The following WASF2 variants were observed in gnomAD, a reference collection of about 807,000 sequenced individuals.
WASF2 encodes the protein WASP family member 2.
A neutral mutation model predicts 45.0 loss-of-function variants in WASF2; 14 were observed. The observed-to-expected ratio is 0.31, with a 90% CI of 0.21 to 0.49. WASF2 has a LOEUF of 0.49. WASF2 is among the 20% of genes least tolerant of loss of function. The pLI is 0.99. For synonymous variants in WASF2, 200 were observed against 236.3 expected, an observed-to-expected ratio of 0.85 and a Z score of 1.41; for missense variants, 439 against 636.1, an observed-to-expected ratio of 0.69 and a Z score of 3.33.
intron 1 of WASF2, among the ~76,000 whole-genome samples, chr1:27,429,643 G>A (rs775367571): frequency 2.0e-5 from 3 of 152,012 alleles, no homozygotes; most frequent in African/African-American, 7.2e-5. Context: ...CAGGCGTGTC[G>A]CGGGTGCCTG....
rs1276957755 is a variant in WASF2 at position 27,477,907 on chromosome 1, A to AT, written c.-44+12078_-44+12079insA. Among the ~76,000 whole-genome samples the AT allele has an allele frequency of 1.1e-4, 16 of 146,264 alleles. 3 individuals are homozygous for AT. Among genetic ancestry groups the AT allele is most frequent in the African/African-American group, 4.2e-4 (16 of 37,864 alleles). On this transcript the variant is annotated intron_variant, in intron 1 of 8. Coordinates refer to ENST00000618852, the MANE Select transcript of WASF2 (RefSeq NM_006990.5). ...GAGCGAGACTCCGTCTCAAAAAAAAAAAATAAATAAATAAAAAAAAAAATA... is the reference window on the plus strand; with the variant it reads ...GAGCGAGACTCCGTCTCAAAAAAAAATAAATAAATAAATAAAAAAAAAAATA...
At chr1:27,478,082 G>A (rs561105908) in intron 1 of WASF2, among the ~76,000 whole-genome samples, 9 of 149,724 alleles carry the variant, frequency 6.0e-5, no homozygotes, top group Admixed American at 2.0e-4. Context: ...TGAAACCCCC[G>A]TCTCTACTAA....
chr1:27,479,487 T>A (rs1203072440), intron 1 of WASF2, among the ~76,000 whole-genome samples: 2 of 152,184 alleles, frequency 1.3e-5, no homozygotes, highest in African/African-American at 4.8e-5. Context: ...AAAAAAGACA[T>A]TTCAATTTCA....
chr1:27,455,657 T>C (rs2017457016), intron 1 of WASF2, among the ~76,000 whole-genome samples: 1 of 152,196 alleles, frequency 6.6e-6, no homozygotes, highest in South Asian at 2.1e-4. Flanking sequence ...GTCTCTGTGA[T>C]TTCACTCAAG....
intron 4 of WASF2, 144 bp from the exon 5 acceptor site, chr1:27,416,246 T>C: frequency 2.9e-6 from 2 of 684,092 alleles, no homozygotes; most frequent in Non-Finnish European, 2.6e-6. Flanking sequence ...TCCTCTCCCA[T>C]ACCAGCATTT....
At chr1:27,431,418 G>T (rs2017061667) in intron 1 of WASF2, among the ~76,000 whole-genome samples, 1 of 152,084 alleles carries the variant, frequency 6.6e-6, no homozygotes, top group African/African-American at 2.4e-5. Context: ...GGTTACATAT[G>T]AAAGAACCTT....
intron 5 of WASF2, 73 bp downstream of exon 5, chr1:27,415,912 C>G (rs527609847): frequency 1.6e-6 from 2 of 1,289,880 alleles, no homozygotes; most frequent in South Asian, 2.5e-5. Context: ...CTTCACATAA[C>G]ACTGGCTTCC....
chr1:27,432,268 C>G (rs896638395), intron 1 of WASF2, among the ~76,000 whole-genome samples: 1 of 152,040 alleles, frequency 6.6e-6, no homozygotes, highest in Admixed American at 6.6e-5. Flanking sequence ...GACTAGTACA[C>G]CTTACTGTGT....
intron 8 of WASF2, among the ~76,000 whole-genome samples, chr1:27,408,933 G>A (rs758313151): frequency 1.3e-5 from 2 of 152,166 alleles, no homozygotes; most frequent in Non-Finnish European, 2.9e-5. Flanking sequence ...GAAGGGCAGA[G>A]CAGTGGAGAA....
chr1:27,415,560 C>T (rs543558591), intron 5 of WASF2, among the ~76,000 whole-genome samples: 1 of 152,182 alleles, frequency 6.6e-6, no homozygotes, highest in Admixed American at 6.5e-5. Flanking sequence ...ACCCTAGCCC[C>T]GCCCAGCCCG....
rs570002874 is a variant in WASF2, at chr1:27,439,716, G to A, written c.-43-10783C>T. On this transcript the variant is annotated intron_variant, in intron 1 of 8. Transcript: ENST00000618852. The stretch of plus-strand genomic sequence containing the variant: ...CCTTGGAACCTTAAAGATCTGAACT[G>A]GGGCTGGGTGCAGTGGCTCATGCCT... 3.9e-5 allele frequency among the ~76,000 whole-genome samples: 6 copies of A among 152,286 alleles called. No individual in the cohort carries two copies. In the South Asian group the frequency reaches 1.2e-3, roughly 32 times the overall value.
chr1:27,432,435 T>G lies in WASF2; in HGVS notation c.-43-3502A>C, dbSNP rs148154713. ...AGGCCGAGGCGGGCGGATCACGAGG[T>G]CAGGAGATCGAGACCATCCTGGCTA... On this transcript the variant is annotated intron_variant, in intron 1 of 8. Transcript: ENST00000618852. Among the ~76,000 whole-genome samples, 854 of 151,364 alleles carry G rather than the reference T, an allele frequency of 5.6e-3. 14 individuals are homozygous for G. Among genetic ancestry groups the G allele is most frequent in the East Asian group, 0.015 (79 of 5,134 alleles).
Position 27,408,073 on chromosome 1 carries a change from G to T in WASF2, c.*116C>A. ...TTTGGTTGCTTCAGGGAAAGCTTTG[G>T]CCCCTTAAAATTACTTTTTTCCTCC... On this transcript the variant is annotated 3_prime_UTR_variant, in exon 9 of 9. Transcript: ENST00000618852. 1 of 1,262,496 alleles carries T rather than the reference G, an allele frequency of 7.9e-7. No homozygotes were observed. The highest frequency in any genetic ancestry group is 1.1e-6 in the Non-Finnish European group (1 of 920,188). 78.2% of individuals were successfully genotyped at this position (1,262,496 alleles called of 1,614,324 possible). A position where few individuals can be genotyped will look rare whatever the true frequency, so the allele number is the denominator to read the frequency against.
At chr1:27,422,023 A>C (rs2016914384) in intron 2 of WASF2, among the ~76,000 whole-genome samples, 1 of 151,628 alleles carries the variant, frequency 6.6e-6, no homozygotes, top group African/African-American at 2.4e-5. Flanking sequence ...TTAACCATCC[A>C]GCTATTCTGG....
intron 1 of WASF2, among the ~76,000 whole-genome samples, chr1:27,451,930 C>T (rs901851199): frequency 2.6e-5 from 4 of 152,070 alleles, no homozygotes; most frequent in African/African-American, 9.7e-5. Flanking sequence ...ACATTAAGAA[C>T]AGTAATAGAA....
chr1:27,476,600 A>AC (rs1297534261), intron 1 of WASF2, among the ~76,000 whole-genome samples: 8 of 151,972 alleles, frequency 5.3e-5, no homozygotes, highest in Admixed American at 5.3e-4. Flanking sequence ...AAAAAAAAAA[A>AC]CCTCTTCCAG....
chr1:27,449,717 T>C (rs919097682), intron 1 of WASF2, among the ~76,000 whole-genome samples: 4 of 152,190 alleles, frequency 2.6e-5, no homozygotes, highest in African/African-American at 4.8e-5. Flanking sequence ...ATAGCACTGT[T>C]TCCTGAGAGA....
intron 1 of WASF2, among the ~76,000 whole-genome samples, chr1:27,468,250 G>A (rs1054625984): frequency 6.6e-6 from 1 of 151,972 alleles, no homozygotes; most frequent in African/African-American, 2.4e-5. Context: ...GAATATAAAT[G>A]AATTACAGAA....
In WASF2 at chr1:27,418,294, G is replaced by T. The variant is rs1360490113; in HGVS notation, c.394C>A (p.Pro132Thr). 1 of 1,614,060 alleles carries T rather than the reference G, an allele frequency of 6.2e-7. No individual in the cohort carries two copies. Among genetic ancestry groups the T allele is most frequent in the African/African-American group, 1.3e-5 (1 of 74,934 alleles). Residue 132 changes from proline (P) to threonine (T), a missense_variant, in exon 4 of 9, where the codon CCT (proline) becomes ACT (threonine). Transcript: ENST00000618852. Reference protein sequence around the residue: ...ETYNTCDTPPPLNNLTPYRDD... With the variant: ...ETYNTCDTPPTLNNLTPYRDD... ...CTGTAAGGGGTAAGATTGTTGAGAG[G>T]GGGAGGAGTATCACAGGTATTGTAT...
Sources: allele counts gnomAD v4.1 joint callset (sites outside exome capture counted in the v4.1 genomes callset), GRCh38; gene constraint gnomAD v4.1.1; transcripts MANE v1.5; gene names NCBI Gene and HGNC (gene_info 2026-07-23, HGNC 2026-07-21).